Variants in KIF26A observed in about 807,000 individuals in gnomAD.
KIF26A encodes kinesin family member 26A, also known as kinesin-like protein KIF26A.
Under a neutral mutation model 126.0 loss-of-function variants are expected in KIF26A, and 74 were observed. The ratio of observed to expected loss-of-function variants is 0.59; its 90% confidence interval spans 0.49 to 0.71. KIF26A has a LOEUF of 0.71. Ranked by LOEUF, KIF26A falls within the 30% of genes least tolerant of loss-of-function variation. KIF26A has a pLI of 0.00. For missense variants in KIF26A, 2,984 were observed against 2,763.3 expected, an observed-to-expected ratio of 1.08 and a Z score of -1.79; for synonymous variants, 1,445 against 1,232.7, an observed-to-expected ratio of 1.17 and a Z score of -3.61.
chr14:104,154,974 G>A (rs1471807560), intron 3 of KIF26A, among the ~76,000 whole-genome samples: 1 of 152,186 alleles, frequency 6.6e-6, no homozygotes, highest in Non-Finnish European at 1.5e-5. Context: ...AGATGGGCCA[G>A]GCAGGGGCAG....
chr14:104,161,348 G>T (rs1057347334), intron 4 of KIF26A, among the ~76,000 whole-genome samples: 12 of 152,256 alleles, frequency 7.9e-5, no homozygotes, highest in African/African-American at 2.9e-4. Context: ...AGCCTCGCAC[G>T]GCCCAGTGTG....
intron 4 of KIF26A, among the ~76,000 whole-genome samples, chr14:104,165,487 CCA>C (rs2037882011): frequency 1.3e-5 from 1 of 75,790 alleles, no homozygotes; most frequent in African/African-American, 6.6e-5. Flanking sequence ...GTGTATGTTT[CCA>C]TGTGCATGTG....
At chr14:104,171,576 A>G in intron 5 of KIF26A, 147 bp from the exon 6 acceptor site, 1 of 663,470 alleles carries the variant, frequency 1.5e-6, no homozygotes, top group African/African-American at 1.8e-5. Context: ...CGCCTGGAGC[A>G]GGGGCGCGGT....
At chr14:104,161,166 A>C (rs2141103342) in intron 4 of KIF26A, among the ~76,000 whole-genome samples, 2 of 152,328 alleles carry the variant, frequency 1.3e-5, no homozygotes, top group South Asian at 4.1e-4. Flanking sequence ...GGAGGGGCTG[A>C]TGCCTCAGTC....
intron 4 of KIF26A, among the ~76,000 whole-genome samples, chr14:104,159,275 C>G (rs2037811784): frequency 6.6e-6 from 1 of 152,250 alleles, no homozygotes; most frequent in African/African-American, 2.4e-5. Flanking sequence ...CCCGTCACAA[C>G]CGGCCTAGTC....
intron 12 of KIF26A, 127 bp downstream of exon 12, chr14:104,178,025 C>G (rs1169431220): frequency 9.0e-7 from 1 of 1,107,084 alleles, no homozygotes; most frequent in African/African-American, 1.6e-5. Context: ...GGTCCCAGAC[C>G]CACACAGCCG....
intron 5 of KIF26A, among the ~76,000 whole-genome samples, chr14:104,170,728 G>A (rs913307593): frequency 6.6e-6 from 1 of 152,218 alleles, no homozygotes; most frequent in Non-Finnish European, 1.5e-5. Flanking sequence ...TGGCATCGAC[G>A]CACCAGACCC....
chr14:104,157,615 G>T (rs1016747939), intron 3 of KIF26A, 140 bp from the exon 4 acceptor site: 19 of 939,122 alleles, frequency 2.0e-5, no homozygotes, highest in Non-Finnish European at 2.9e-5. Flanking sequence ...GGCTTCACAG[G>T]CTGGGCCCTG....
In KIF26A at chr14:104,177,131, G is replaced by A; in HGVS notation, c.4343G>A (p.Ser1448Asn). ...LERYEGLAHS[S>N]SKGREAPGRP... ...CGGTACGAAGGCCTGGCGCACAGCA[G>A]CAGCAAGGGCCGGGAAGCCCCTGGG... is the stretch of plus-strand genomic sequence containing the variant. The change falls in exon 12 of 15, where the codon AGC (serine) becomes AAC (asparagine). Residue 1448 changes from serine to asparagine, a missense_variant. Physicochemically the swap from Ser to Asn is conservative, Grantham distance 46. Transcript: ENST00000423312. 1 of 1,597,860 alleles carries A rather than the reference G, an allele frequency of 6.3e-7. No homozygotes were observed. The highest frequency in any genetic ancestry group is 1.1e-5 in the South Asian group (1 of 91,014).
rs762405913 is a variant in KIF26A at position 104,177,236 on chromosome 14, G to T, written c.4448G>T (p.Gly1483Val). 3 of 1,596,910 alleles carry T rather than the reference G, an allele frequency of 1.9e-6. No homozygotes were observed. Among genetic ancestry groups the T allele is most frequent in the South Asian group, 2.2e-5 (2 of 89,922 alleles). Residue 1483 changes from glycine (G) to valine (V), a missense_variant, in exon 12 of 15, where the codon GGC (glycine) becomes GTC (valine). Gly to Val is a moderately radical substitution (Grantham distance 109). Coordinates refer to ENST00000423312, the MANE Select transcript of KIF26A (RefSeq NM_015656.2). Reference protein sequence around the residue: ...THGPAPACRSGAAKAVGAPKP... With the variant: ...THGPAPACRSVAAKAVGAPKP... ...GGTCCAGCTCCCGCCTGTAGGAGCG[G>T]CGCAGCCAAGGCTGTGGGGGCCCCC...
Position 104,173,367 on chromosome 14 carries a change from A to C in KIF26A, c.1721A>C (p.Glu574Ala), listed in dbSNP as rs1399878917. 1 of 1,597,608 alleles carries C rather than the reference A, an allele frequency of 6.3e-7. No individual in the cohort carries two copies. Among genetic ancestry groups the C allele is most frequent in the Non-Finnish European group, 8.5e-7 (1 of 1,173,076 alleles). ...AGCGAGCTGCGGGCACCCACGGCCG[A>C]GAAGGCGGCTTTCTACCTGGATGCG... The part of the protein sequence containing the change: ...NQSELRAPTA[E>A]KAAFYLDAAL... Residue 574 changes from glutamate to alanine, a missense_variant, in exon 9 of 15, where the codon GAG becomes GCG. Glu to Ala is a moderately radical substitution (Grantham distance 107). Coordinates refer to ENST00000423312, the MANE Select transcript of KIF26A (RefSeq NM_015656.2).
rs998192744 is a variant in KIF26A, at chr14:104,149,425, C to T, written c.289-2590C>T. Among the ~76,000 whole-genome samples, 3 of 152,194 alleles carry T rather than the reference C, an allele frequency of 2.0e-5. 1 individual carries two copies. The highest frequency in any genetic ancestry group is 1.3e-4 in the Admixed American group (2 of 15,288). On this transcript the variant is annotated intron_variant, in intron 2 of 14. Coordinates refer to ENST00000423312, the MANE Select transcript of KIF26A (RefSeq NM_015656.2). ...ACCCTGGCCCAGATGCCTGGGCCGC[C>T]GCTGTTGCTGAGCAGGTGACCAGCA...
chr14:104,150,884 T>C (rs148754302), intron 2 of KIF26A, among the ~76,000 whole-genome samples: 259 of 152,254 alleles, frequency 1.7e-3, no homozygotes, highest in African/African-American at 5.9e-3. Context: ...GGGCTGGTGC[T>C]GTCCTGGGGG....
Position 104,173,266 on chromosome 14 carries a change from G to T in KIF26A, c.1683+27G>T, listed in dbSNP as rs776383975. 16 of 1,602,390 alleles carry T rather than the reference G, an allele frequency of 1.0e-5. 1 individual carries two copies. The highest frequency in any genetic ancestry group is 1.1e-5 in the Non-Finnish European group (13 of 1,172,562). On this transcript the variant is annotated intron_variant, in intron 8 of 14. Transcript: ENST00000423312. ...TGCGCCTGCCTACTGTCCCACCTTG[G>T]GGGAGGGGGGCTGCACTTGGCCCTG...
Position 104,177,194 on chromosome 14 carries a change from C to T in KIF26A, c.4406C>T (p.Pro1469Leu), listed in dbSNP as rs2038040960. The change falls in exon 12 of 15, where the codon CCC (proline) becomes CTC (leucine). Residue 1469 changes from proline to leucine, a missense_variant. Coordinates refer to ENST00000423312, the MANE Select transcript of KIF26A (RefSeq NM_015656.2). ...PRAVPKLGVP[P>L]SSPTHGPAPA... ...GCTGTACCCAAGCTGGGTGTGCCAC[C>T]CTCCAGCCCCACACACGGTCCAGCT... 9 of 1,595,958 alleles carry T rather than the reference C, an allele frequency of 5.6e-6. No individual in the cohort carries two copies. The highest frequency in any genetic ancestry group is 3.3e-5 in the South Asian group (3 of 90,574).
chr14:104,177,579 C>A lies in KIF26A; in HGVS notation c.4791C>A (p.Asn1597Lys). The A allele has an allele frequency of 2.6e-6, 4 of 1,534,890 alleles. No individual in the cohort carries two copies. The highest frequency in any genetic ancestry group is 3.5e-6 in the Non-Finnish European group (4 of 1,145,644). ...DSDSGHDSGV[N>K]VGEERPPTGP... Reference sequence around the variant, plus strand: ...ACAGCGGCCATGACAGCGGCGTGAACGTGGGGGAGGAGCGGCCACCCACGG... The same window carrying A: ...ACAGCGGCCATGACAGCGGCGTGAAAGTGGGGGAGGAGCGGCCACCCACGG... Residue 1597 changes from asparagine to lysine, a missense_variant, in exon 12 of 15, where the codon AAC (asparagine) becomes AAA (lysine). Asn to Lys is a moderately conservative substitution (Grantham distance 94). Transcript: ENST00000423312.
At position 104,173,681 on chromosome 14, in the gene KIF26A, TCA is replaced by T. The variant is rs369512201; in HGVS notation, c.1868-24_1868-23del. On this transcript the variant is annotated intron_variant, in intron 9 of 14. Coordinates refer to ENST00000423312, the MANE Select transcript of KIF26A (RefSeq NM_015656.2). ...GATCTGGGGGCCCCTGGCTACACCA[TCA>T]TTTGCTTGCCTTGTGGTTCCAGTGT... is the stretch of plus-strand genomic sequence containing the variant. 78 of 1,608,748 alleles carry T rather than the reference TCA, an allele frequency of 4.8e-5. No homozygotes were observed. The African/African-American group carries it at 9.5e-4, about 20-fold the overall frequency.
intron 4 of KIF26A, among the ~76,000 whole-genome samples, chr14:104,159,307 G>T (rs559250865): frequency 6.6e-6 from 1 of 152,374 alleles, no homozygotes; most frequent in Admixed American, 6.5e-5. Context: ...GGCCTGTGCG[G>T]CTGTTCTGGG....
At chr14:104,141,716 C>CG (rs1372567613) in intron 2 of KIF26A, among the ~76,000 whole-genome samples, 17 of 149,208 alleles carry the variant, frequency 1.1e-4, no homozygotes, top group Non-Finnish European at 1.6e-4. Flanking sequence ...CGTAGAGGGT[C>CG]GGGCCCAGCC....
Sources: allele counts gnomAD v4.1 joint callset (sites outside exome capture counted in the v4.1 genomes callset), GRCh38; gene constraint gnomAD v4.1.1; transcripts MANE v1.5; gene names NCBI Gene and HGNC (gene_info 2026-07-23, HGNC 2026-07-21).